Variants in CUBN observed in about 807,000 individuals in gnomAD.
CUBN encodes the protein cubilin.
In CUBN, 282 loss-of-function variants were observed where a neutral mutation model predicts 405.3. That is an observed-to-expected ratio of 0.70 (90% CI 0.63 to 0.77). CUBN has a LOEUF of 0.77. CUBN is among the 30% of genes least tolerant of loss of function. The pLI, the probability that CUBN is intolerant of heterozygous loss-of-function variation, is 0.00. For synonymous variants in CUBN, 1,684 were observed against 1,617.0 expected, an observed-to-expected ratio of 1.04 and a Z score of -0.99; for missense variants, 4,514 against 4,475.2, an observed-to-expected ratio of 1.01 and a Z score of -0.25.
At chr10:17,120,780 GTC>G (rs1395811290) in intron 6 of CUBN, among the ~76,000 whole-genome samples, 1 of 152,190 alleles carries the variant, frequency 6.6e-6, no homozygotes, top group Non-Finnish European at 1.5e-5. Context: ...CTTTATCTTG[GTC>G]TATGGATCTC....
intron 17 of CUBN, among the ~76,000 whole-genome samples, chr10:17,076,482 C>CAA (rs79168650): frequency 1.6e-4 from 22 of 137,732 alleles, no homozygotes; most frequent in Admixed American, 8.1e-4. Context: ...GCACCCCCAC[C>CAA]AAAAAAAAAA....
chr10:16,982,850 A>G lies in CUBN; in HGVS notation c.4526-197T>C, dbSNP rs3012485. On this transcript the variant is annotated intron_variant, in intron 30 of 66. Coordinates refer to ENST00000377833, the MANE Select transcript of CUBN (RefSeq NM_001081.4). ...AGGGATGACATGGATGATACTAAGA[A>G]AATACTTCAAACACTTTAAATACAG... Among the ~76,000 whole-genome samples the G allele has an allele frequency of 0.73, 111,511 of 152,078 alleles. 43,728 individuals carry two copies. Among genetic ancestry groups the G allele is most frequent in the Non-Finnish European group, 0.89 (60,767 of 68,018 alleles).
At chr10:17,119,249 C>T (rs1836976192) in intron 6 of CUBN, among the ~76,000 whole-genome samples, 1 of 152,098 alleles carries the variant, frequency 6.6e-6, no homozygotes, top group African/African-American at 2.4e-5. Context: ...TCTGGAAAAC[C>T]AGAGAAACTC....
At chr10:17,095,307 C>T (rs558829365) in intron 14 of CUBN, among the ~76,000 whole-genome samples, 3 of 151,936 alleles carry the variant, frequency 2.0e-5, no homozygotes, top group Non-Finnish European at 4.4e-5. Flanking sequence ...TCCAGGAAAA[C>T]ATACAGGAAA....
chr10:17,038,924 C>T (rs1175447883), intron 27 of CUBN, among the ~76,000 whole-genome samples: 2 of 152,194 alleles, frequency 1.3e-5, no homozygotes, highest in East Asian at 1.9e-4. Context: ...ACATGACAGA[C>T]ACGTCATCCA....
intron 22 of CUBN, among the ~76,000 whole-genome samples, chr10:17,049,070 C>T (rs1344641031): frequency 6.6e-6 from 1 of 152,190 alleles, no homozygotes; most frequent in Non-Finnish European, 1.5e-5. Context: ...GTATGCTTCT[C>T]TGTAGTCTGC....
intron 54 of CUBN, among the ~76,000 whole-genome samples, chr10:16,897,788 G>A (rs1166592634): frequency 1.3e-5 from 2 of 152,098 alleles, no homozygotes; most frequent in East Asian, 1.9e-4. Context: ...AGGAGAAGAC[G>A]AGTGCTTCCC....
At chr10:17,004,003 C>G (rs1273757040) in intron 28 of CUBN, among the ~76,000 whole-genome samples, 1 of 152,114 alleles carries the variant, frequency 6.6e-6, no homozygotes, top group Non-Finnish European at 1.5e-5. Flanking sequence ...AGAATCTAGC[C>G]CAGGAGGTCT....
chr10:16,861,081 T>C (rs1891473), intron 59 of CUBN, among the ~76,000 whole-genome samples: 27,014 of 152,104 alleles, frequency 0.18, 7,914 homozygotes, highest in African/African-American at 0.61. Context: ...TCAGGTTAGC[T>C]GGCATCCATT....
At chr10:16,846,806 C>G (rs1240212828) in intron 60 of CUBN, among the ~76,000 whole-genome samples, 1 of 87,782 alleles carries the variant, frequency 1.1e-5, no homozygotes, top group Non-Finnish European at 2.6e-5. Flanking sequence ...GATAGAAACT[C>G]TGTCTCAAAA....
intron 39 of CUBN, among the ~76,000 whole-genome samples, chr10:16,937,044 T>G (rs922631874): frequency 1.3e-5 from 2 of 151,946 alleles, no homozygotes; most frequent in African/African-American, 2.4e-5. Context: ...AAGAAAAAAG[T>G]CTCCCCAAAC....
chr10:16,866,637 T>G (rs1189943646), intron 59 of CUBN, among the ~76,000 whole-genome samples: 1 of 152,210 alleles, frequency 6.6e-6, no homozygotes, highest in Admixed American at 6.5e-5. Flanking sequence ...ATTTGCAGAT[T>G]ATTTCAGAGT....
chr10:16,990,312 A>C (rs748774816), intron 29 of CUBN, 22 bp downstream of exon 29: 43 of 1,613,424 alleles, frequency 2.7e-5, no homozygotes, highest in Non-Finnish European at 3.5e-5. Flanking sequence ...GAATGTGCTG[A>C]AAAAACCATC....
At chr10:17,064,247 C>T (rs924351230) in intron 22 of CUBN, among the ~76,000 whole-genome samples, 1 of 152,166 alleles carries the variant, frequency 6.6e-6, no homozygotes, top group Non-Finnish European at 1.5e-5. Flanking sequence ...TAAAGCCATG[C>T]TTTTGAACAT....
intron 27 of CUBN, 72 bp from the exon 28 acceptor site, chr10:17,020,055 A>G (rs1834449742): frequency 6.4e-7 from 1 of 1,554,824 alleles, no homozygotes; most frequent in African/African-American, 1.4e-5. Flanking sequence ...AGTCTACACA[A>G]GTAGCAAAAG....
At chr10:16,898,331 G>T (rs1841253907) in intron 54 of CUBN, among the ~76,000 whole-genome samples, 1 of 152,024 alleles carries the variant, frequency 6.6e-6, no homozygotes, top group South Asian at 2.1e-4. Flanking sequence ...TAACTTAAAG[G>T]CCAATTGTTT....
At chr10:16,915,306 C>G in intron 46 of CUBN, 134 bp from the exon 47 acceptor site, 1 of 1,043,880 alleles carries the variant, frequency 9.6e-7, no homozygotes, top group Non-Finnish European at 1.4e-6. Flanking sequence ...TAATCTCTGT[C>G]AAGACAACAG....
In CUBN at chr10:17,091,762, C is replaced by T. The variant is rs74560564; in HGVS notation, c.1766-3417G>A. 2.9e-3 allele frequency among the ~76,000 whole-genome samples: 445 copies of T among 152,208 alleles called. 11 individuals are homozygous for T. In the East Asian group the frequency reaches 0.062, roughly 21 times the overall value. ...GATTATTTTTTACCACATAAAACCC[C>T]CTGGATTTAACCAAACTTTTTGGTA... On this transcript the variant is annotated intron_variant, in intron 14 of 66. Coordinates refer to ENST00000377833, the MANE Select transcript of CUBN (RefSeq NM_001081.4).
chr10:17,123,566 A>C (rs1837095253), intron 5 of CUBN, 22 bp downstream of exon 5: 1 of 1,553,808 alleles, frequency 6.4e-7, no homozygotes. Flanking sequence ...CATCATTCTT[A>C]ACCAAAGAGT....
Sources: gnomAD v4.1 joint callset for allele counts (sites outside exome capture counted in the v4.1 genomes callset) on GRCh38, gnomAD v4.1.1 for gene constraint, MANE v1.5 for transcripts, NCBI Gene and HGNC (gene_info 2026-07-23, HGNC 2026-07-21) for gene names.